RCN2: variants seen among roughly 807,000 people sequenced by gnomAD.
The protein encoded by RCN2 is reticulocalbin 2.
In RCN2, 23 loss-of-function variants were observed where a neutral mutation model predicts 37.5. The observed-to-expected ratio is 0.61, with a 90% CI of 0.44 to 0.87. RCN2 has a LOEUF of 0.87. RCN2 is among the 40% of genes least tolerant of loss of function. RCN2 has a pLI of 0.00. For missense variants in RCN2, 381 were observed against 390.4 expected (o/e 0.98, Z 0.20); for synonymous variants, 140 against 144.6 (o/e 0.97, Z 0.23).
chr15:76,943,378 T>C (rs2075283254), intron 3 of RCN2: 1 of 155,916 alleles, frequency 6.4e-6, no homozygotes, highest in African/African-American at 2.4e-5. Flanking sequence ...TCATTCAATC[T>C]GCTTTTCTAT....
intron 3 of RCN2, chr15:76,941,589 A>T: frequency 9.8e-7 from 1 of 1,023,580 alleles, no homozygotes; most frequent in Non-Finnish European, 1.4e-6. Context: ...AAAAAAAAAG[A>T]GTGTTGAAGT....
chr15:76,945,126 G>A (rs915930008), intron 4 of RCN2, among the ~76,000 whole-genome samples: 1 of 152,216 alleles, frequency 6.6e-6, no homozygotes, highest in African/African-American at 2.4e-5. Flanking sequence ...AGGCTTTCTT[G>A]TGGTGACGAA....
chr15:76,935,744 G>C, intron 3 of RCN2, 22 bp downstream of exon 3: 1 of 1,583,510 alleles, frequency 6.3e-7, no homozygotes. Flanking sequence ...TGCACAAGCT[G>C]TTTCTTTTGA....
Position 76,951,200 on chromosome 15 carries a change from C to T in RCN2, c.*1978C>T, listed in dbSNP as rs577034889. On this transcript the variant is annotated 3_prime_UTR_variant, in exon 7 of 7. Coordinates refer to ENST00000394885, the MANE Select transcript of RCN2 (RefSeq NM_002902.3). The stretch of plus-strand genomic sequence containing the variant: ...AGAAATGCAATGTCTGTACTACTTT[C>T]CTTCCTAGCATAAAGAAAACTACAC... 1 of 152,366 alleles carries T rather than the reference C, an allele frequency of 6.6e-6. No homozygotes were observed. The highest frequency in any genetic ancestry group is 6.5e-5 in the Admixed American group (1 of 15,308). The allele number at this position is 152,366 out of a possible 1,614,324, so 9.4% of individuals were successfully genotyped here. A position where few individuals can be genotyped will look rare whatever the true frequency, so the allele number is the denominator to read the frequency against.
In RCN2 at chr15:76,932,108, C is replaced by A. The variant is rs548953798; in HGVS notation, c.144+123C>A. The A allele has an allele frequency of 5.2e-6, 5 of 966,360 alleles. No homozygotes were observed. In the South Asian group the frequency reaches 1.2e-4, roughly 23 times the overall value. The allele number at this position is 966,360 out of a possible 1,614,324, so 59.9% of individuals were successfully genotyped here. A position where few individuals can be genotyped will look rare whatever the true frequency, so the allele number is the denominator to read the frequency against. ...GCAGGGGCGGCCTGACAATGGGGGC[C>A]GGGCGGCGCGGCACTCGCTCTCTGG... is the stretch of plus-strand genomic sequence containing the variant. On this transcript the variant is annotated intron_variant, in intron 1 of 6. Transcript: ENST00000394885.
chr15:76,943,870 C>G lies in RCN2; in HGVS notation c.560C>G (p.Thr187Arg). The change falls in exon 4 of 7, where the codon ACG (threonine) becomes AGG (arginine). Residue 187 changes from threonine (T) to arginine (R), a missense_variant and splice_region_variant. Coordinates refer to ENST00000394885, the MANE Select transcript of RCN2 (RefSeq NM_002902.3). ...CATCCTGAAGAAGTTGATTATATGA[C>G]GGTAAGAAAGAAACATTTTTAAGAG... is the stretch of plus-strand genomic sequence containing the variant. ...FEHPEEVDYM[T>R]EFVIQEALEE... 1 of 1,527,170 alleles carries G rather than the reference C, an allele frequency of 6.5e-7. No individual in the cohort carries two copies. 94.6% of individuals were successfully genotyped at this position (1,527,170 alleles called of 1,614,324 possible). A position where few individuals can be genotyped will look rare whatever the true frequency, so the allele number is the denominator to read the frequency against.
At chr15:76,938,868 A>T (rs1346698965) in intron 3 of RCN2, 1 of 436,426 alleles carries the variant, frequency 2.3e-6, no homozygotes, top group African/African-American at 2.0e-5. Flanking sequence ...AAAAATGAGG[A>T]TAATAATTCC....
At position 76,947,434 on chromosome 15, in the gene RCN2, A is replaced by C; in HGVS notation, c.575A>C (p.Gln192Pro). 6.3e-7 allele frequency: 1 copy of C among 1,596,970 alleles called. No individual in the cohort carries two copies. ...AACGTGGAATAGGAATTTGTCATTC[A>C]AGAAGCTTTAGAAGAACATGACAAA... is the stretch of plus-strand genomic sequence containing the variant. The part of the protein sequence containing the change: ...EVDYMTEFVI[Q>P]EALEEHDKNG... Residue 192 changes from glutamine (Q) to proline (P), a missense_variant, in exon 5 of 7, where the codon CAA (glutamine) becomes CCA (proline). Gln to Pro is a moderately conservative substitution (Grantham distance 76, BLOSUM62 -1). Coordinates refer to ENST00000394885, the MANE Select transcript of RCN2 (RefSeq NM_002902.3).
intron 3 of RCN2, among the ~76,000 whole-genome samples, chr15:76,940,826 T>C (rs1020351054): frequency 6.6e-6 from 1 of 151,870 alleles, no homozygotes; most frequent in African/African-American, 2.4e-5. Flanking sequence ...CCTCCCAAAG[T>C]GCTGAGATTA....
At chr15:76,933,650 G>A (rs925779421) in intron 2 of RCN2, among the ~76,000 whole-genome samples, 2 of 152,218 alleles carry the variant, frequency 1.3e-5, no homozygotes, top group East Asian at 3.8e-4. Flanking sequence ...GAGAAGAAAA[G>A]CTTGAGATGG....
intron 1 of RCN2, 110 bp from the exon 2 acceptor site, chr15:76,932,251 C>T: frequency 1.2e-6 from 1 of 861,232 alleles, no homozygotes; most frequent in South Asian, 1.5e-5. Flanking sequence ...AGGTGCGGGT[C>T]ACCCCGAAAC....
intron 2 of RCN2, among the ~76,000 whole-genome samples, chr15:76,934,298 C>G (rs1181367987): frequency 2.6e-5 from 4 of 151,860 alleles, no homozygotes; most frequent in African/African-American, 9.7e-5. Flanking sequence ...CACTGGCCAC[C>G]ATGCCCGGCT....
At position 76,949,173 on chromosome 15, in the gene RCN2, A is replaced by G. The variant is rs1372620992; in HGVS notation, c.905A>G (p.Asp302Gly). The G allele has an allele frequency of 1.2e-6, 2 of 1,613,318 alleles. No individual in the cohort carries two copies. The highest frequency in any genetic ancestry group is 1.3e-5 in the African/African-American group (1 of 75,032). ...TTGTTTCTCACCAGTGAAGCCACAG[A>G]TTATGGCAGACAGCTCCATGATGAC... ...PDLFLTSEAT[D>G]YGRQLHDDYF... is the part of the protein sequence containing the mutation. Residue 302 changes from aspartate (D) to glycine (G), a missense_variant, in exon 7 of 7, where the codon GAT becomes GGT. By Grantham distance (94) the Asp-to-Gly change is moderately conservative. Coordinates refer to ENST00000394885, the MANE Select transcript of RCN2 (RefSeq NM_002902.3).
chr15:76,947,374 GA>G, intron 4 of RCN2, 46 bp from the exon 5 acceptor site: 1 of 1,252,016 alleles, frequency 8.0e-7, no homozygotes, highest in Non-Finnish European at 1.1e-6. Context: ...CAGTGGGACT[GA>G]ACATTTTGTA....
chr15:76,941,528 G>T, intron 3 of RCN2: 1 of 489,516 alleles, frequency 2.0e-6, no homozygotes, highest in Non-Finnish European at 3.6e-6. Flanking sequence ...TTTTATTACT[G>T]TACCTAACAC....
Position 76,944,273 on chromosome 15 carries a change from G to C in RCN2, c.561+402G>C, listed in dbSNP as rs187594200. 6.0e-3 allele frequency among the ~76,000 whole-genome samples: 910 copies of C among 152,084 alleles called. 5 individuals carry two copies. Among genetic ancestry groups the C allele is most frequent in the African/African-American group, 0.021 (874 of 41,478 alleles). On this transcript the variant is annotated intron_variant, in intron 4 of 6. Coordinates refer to ENST00000394885, the MANE Select transcript of RCN2 (RefSeq NM_002902.3). ...TGGGATTATAAGCGTGAGCCACCGC[G>C]CCCGGCCGAGATGTTTTGATACAGG...
chr15:76,934,925 A>G (rs2075240446), intron 2 of RCN2, among the ~76,000 whole-genome samples: 1 of 152,236 alleles, frequency 6.6e-6, no homozygotes. Context: ...TCATTCAACA[A>G]ATACTTACAG....
rs114916893 is a variant in RCN2 at position 76,933,734 on chromosome 15, A to G, written c.250+1268A>G. On this transcript the variant is annotated intron_variant, in intron 2 of 6. Transcript: ENST00000394885. The stretch of plus-strand genomic sequence containing the variant: ...TCCCTGTTCCATTCTGTTTTCTTCT[A>G]TGCCATGGTGATCTCTTTAAATAAA... Among the ~76,000 whole-genome samples, 883 of 152,332 alleles carry G rather than the reference A, an allele frequency of 5.8e-3. 7 individuals are homozygous for G. The highest frequency in any genetic ancestry group is 0.019 in the African/African-American group (805 of 41,576).
intron 3 of RCN2, among the ~76,000 whole-genome samples, chr15:76,940,392 G>A (rs541940517): frequency 2.0e-5 from 3 of 151,556 alleles, no homozygotes; most frequent in Admixed American, 6.6e-5. Context: ...AAAAAATAAC[G>A]GATGAGGAAT....
Sources: allele counts gnomAD v4.1 joint callset (sites outside exome capture counted in the v4.1 genomes callset), GRCh38; gene constraint gnomAD v4.1.1; transcripts MANE v1.5; gene names NCBI Gene and HGNC (gene_info 2026-07-23, HGNC 2026-07-21).